PLCB4: variants seen among roughly 807,000 people sequenced by gnomAD.
PLCB4 encodes phospholipase C beta 4, also known as 1-phosphatidylinositol 4,5-bisphosphate phosphodiesterase beta-4.
A neutral mutation model predicts 178.8 loss-of-function variants in PLCB4; 77 were observed. The ratio of observed to expected loss-of-function variants is 0.43; its 90% CI spans 0.36 to 0.52. The LOEUF (loss-of-function observed/expected upper bound fraction) is 0.52, where lower values mean the gene tolerates loss of function less well. Among genes scored for constraint, PLCB4 ranks in the 20% least tolerant of loss-of-function variants. The pLI is 0.00. For synonymous variants in PLCB4, 496 were observed against 490.8 expected, an observed-to-expected ratio of 1.01 and a Z score of -0.14; for missense variants, 1,024 against 1,453.4, an observed-to-expected ratio of 0.70 and a Z score of 4.80.
intron 2 of PLCB4, among the ~76,000 whole-genome samples, chr20:9,115,310 A>T (rs1429583541): frequency 6.6e-6 from 1 of 152,102 alleles, no homozygotes; most frequent in African/African-American, 2.4e-5. Context: ...ACACATTTTA[A>T]AATTTATTTA....
At chr20:9,102,735 A>AT in intron 2 of PLCB4, among the ~76,000 whole-genome samples, 1 of 147,814 alleles carries the variant, frequency 6.8e-6, no homozygotes, top group Non-Finnish European at 1.5e-5. Context: ...ATGCCAGAGC[A>AT]TATTTGGGGG....
chr20:9,394,989 T>G (rs77101208), intron 18 of PLCB4, among the ~76,000 whole-genome samples: 2,781 of 152,310 alleles, frequency 0.018, 92 homozygotes, highest in African/African-American at 0.061. Flanking sequence ...TGTCCCTATG[T>G]GTTTTCCCAT....
At chr20:9,349,900 A>G (rs2034172261) in intron 7 of PLCB4, among the ~76,000 whole-genome samples, 1 of 152,170 alleles carries the variant, frequency 6.6e-6, no homozygotes, top group Admixed American at 6.5e-5. Context: ...ATGGGCCTAC[A>G]TGTATTTGTA....
chr20:9,316,760 A>G (rs2094903816), intron 4 of PLCB4, among the ~76,000 whole-genome samples: 1 of 152,310 alleles, frequency 6.6e-6, no homozygotes, highest in African/African-American at 2.4e-5. Flanking sequence ...CACTGAAACA[A>G]CCCAAAGCAG....
At chr20:9,080,365 T>G (rs1600258564) in intron 1 of PLCB4, among the ~76,000 whole-genome samples, 1 of 152,306 alleles carries the variant, frequency 6.6e-6, no homozygotes, top group East Asian at 1.9e-4. Flanking sequence ...CATTTCTTCT[T>G]ACCTCCAAAT....
chr20:9,281,658 T>G (rs2094495770), intron 3 of PLCB4, among the ~76,000 whole-genome samples: 1 of 151,996 alleles, frequency 6.6e-6, no homozygotes, highest in African/African-American at 2.4e-5. Context: ...AAATGATAGT[T>G]TGTATTTAGT....
chr20:9,138,448 A>G (rs2092426748), intron 2 of PLCB4, among the ~76,000 whole-genome samples: 1 of 152,080 alleles, frequency 6.6e-6, no homozygotes. Flanking sequence ...CATGTTTTAA[A>G]TACTGAAAAA....
chr20:9,098,587 T>G (rs1165824251), intron 2 of PLCB4, among the ~76,000 whole-genome samples: 1 of 150,938 alleles, frequency 6.6e-6, no homozygotes, highest in Non-Finnish European at 1.5e-5. Context: ...ATGTGGCAAT[T>G]AATTCGAAGG....
intron 3 of PLCB4, among the ~76,000 whole-genome samples, chr20:9,273,296 T>G (rs2147634475): frequency 6.6e-6 from 1 of 152,252 alleles, no homozygotes; most frequent in East Asian, 1.9e-4. Context: ...ATTTCAATAT[T>G]AACGCCTTTA....
rs1388559816 is a variant in PLCB4, at chr20:9,389,906, G to T, written c.1186G>T (p.Ala396Ser). ...KDVIQAIKET[A>S]FVTSEYPVIL... ...TGTAATTCAAGCCATCAAGGAAACT[G>T]CATTTGTCACATCAGAATATCCTGT... The change falls in exon 16 of 40, where the codon GCA (alanine) becomes TCA (serine). Residue 396 changes from alanine to serine, a missense_variant. Physicochemically the swap from Ala to Ser is moderately conservative, Grantham distance 99 (BLOSUM62 1). This residue lies in a region of PLCB4 where 263 missense variants were observed against 417.4 expected (regional missense o/e 0.63). Transcript: ENST00000378473. 6.3e-7 allele frequency: 1 copy of T among 1,580,544 alleles called. No individual in the cohort carries two copies. The highest frequency in any genetic ancestry group is 8.7e-7 in the Non-Finnish European group (1 of 1,152,660).
chr20:9,117,634 C>A (rs1297406290), intron 2 of PLCB4, among the ~76,000 whole-genome samples: 1 of 152,168 alleles, frequency 6.6e-6, no homozygotes, highest in African/African-American at 2.4e-5. Flanking sequence ...AACCAAGATT[C>A]CTATATTCTG....
At chr20:9,275,981 G>A (rs2147654100) in intron 3 of PLCB4, among the ~76,000 whole-genome samples, 1 of 152,140 alleles carries the variant, frequency 6.6e-6, no homozygotes, top group East Asian at 1.9e-4. Context: ...ACCATACACT[G>A]CAGTTTAGGA....
chr20:9,128,677 C>G (rs6118501), intron 2 of PLCB4, among the ~76,000 whole-genome samples: 9 of 152,312 alleles, frequency 5.9e-5, no homozygotes, highest in Non-Finnish European at 1.0e-4. Flanking sequence ...CATGAGCCAC[C>G]GCACCCAGCC....
intron 2 of PLCB4, among the ~76,000 whole-genome samples, chr20:9,158,595 C>G (rs1053899065): frequency 6.7e-6 from 1 of 149,732 alleles, no homozygotes; most frequent in Non-Finnish European, 1.5e-5. Context: ...TTTTTTTTAA[C>G]CGTACAAAAC....
At chr20:9,319,546 C>T (rs1181986163) in intron 4 of PLCB4, among the ~76,000 whole-genome samples, 1 of 152,120 alleles carries the variant, frequency 6.6e-6, no homozygotes, top group Non-Finnish European at 1.5e-5. Flanking sequence ...ACGAGTAGGG[C>T]AGTTCCAGTT....
intron 2 of PLCB4, among the ~76,000 whole-genome samples, chr20:9,212,874 C>T (rs1003314840): frequency 6.6e-6 from 1 of 152,064 alleles, no homozygotes; most frequent in African/African-American, 2.4e-5. Context: ...ATTTACATAT[C>T]ATAAAATGCA....
intron 26 of PLCB4, 147 bp downstream of exon 26, chr20:9,420,056 G>T (rs769094471): frequency 6.0e-6 from 3 of 501,536 alleles, no homozygotes; most frequent in Non-Finnish European, 1.1e-5. Context: ...TAAAAAATGA[G>T]ACCCATTTTT....
intron 7 of PLCB4, among the ~76,000 whole-genome samples, chr20:9,341,963 G>A (rs1446688516): frequency 6.6e-6 from 1 of 152,082 alleles, no homozygotes; most frequent in Admixed American, 6.6e-5. Flanking sequence ...TTCATTAATA[G>A]CATAATATAT....
intron 1 of PLCB4, among the ~76,000 whole-genome samples, chr20:9,094,413 T>C (rs1420636951): frequency 3.3e-5 from 5 of 152,216 alleles, no homozygotes; most frequent in Admixed American, 2.6e-4. Context: ...GCCTAAAGTA[T>C]TTCTTTTTTT....
Sources: allele counts gnomAD v4.1 joint callset (sites outside exome capture counted in the v4.1 genomes callset), GRCh38; gene constraint gnomAD v4.1.1; regional missense constraint gnomAD v4.1.1; transcripts MANE v1.5; gene names NCBI Gene and HGNC (gene_info 2026-07-23, HGNC 2026-07-21).